Variants in YWHAG observed in about 807,000 individuals in gnomAD.
YWHAG encodes tyrosine 3-monooxygenase/tryptophan 5-monooxygenase activation protein gamma, also known as 14-3-3 protein gamma.
A neutral mutation model predicts 23.3 loss-of-function variants in YWHAG; 1 was observed. The observed-to-expected ratio is 0.04, with a 90% confidence interval of 0.02 to 0.20. YWHAG has a LOEUF of 0.20. Ranked by LOEUF, YWHAG falls within the 10% of genes least tolerant of loss-of-function variation. YWHAG has a pLI of 1.00. For synonymous variants in YWHAG, 160 were observed against 144.0 expected, an observed-to-expected ratio of 1.11 and a Z score of -0.80; for missense variants, 151 against 338.6, an observed-to-expected ratio of 0.45 and a Z score of 4.35.
intron 1 of YWHAG, among the ~76,000 whole-genome samples, chr7:76,331,104 A>G (rs984212264): frequency 6.6e-6 from 1 of 152,220 alleles, no homozygotes; most frequent in Admixed American, 6.5e-5. Flanking sequence ...CTTGACAACC[A>G]TATGAAATAC....
At chr7:76,349,403 GTCA>G (rs1055151162) in intron 1 of YWHAG, among the ~76,000 whole-genome samples, 1 of 146,230 alleles carries the variant, frequency 6.8e-6, no homozygotes, top group African/African-American at 2.6e-5. Context: ...ACGCGTTTTG[GTCA>G]TCATTTATTA....
chr7:76,354,873 G>A (rs1803929432), intron 1 of YWHAG, among the ~76,000 whole-genome samples: 1 of 152,198 alleles, frequency 6.6e-6, no homozygotes, highest in Non-Finnish European at 1.5e-5. Flanking sequence ...TTATTTATTT[G>A]GGTGAACATT....
Position 76,326,906 on chromosome 7 carries a change from A to T in YWHAG, c.*2671T>A, listed in dbSNP as rs1336198004. The T allele has an allele frequency of 1.3e-5, 2 of 152,674 alleles. No individual in the cohort carries two copies. The highest frequency in any genetic ancestry group is 6.5e-5 in the Admixed American group (1 of 15,284). The allele number at this position is 152,674 out of a possible 1,614,324, so 9.5% of individuals were successfully genotyped here. ...CTAAAGATGGTCCGTGTGTGAAATA[A>T]TTCCTTAGAGAAACACGGAGCTGGA... On this transcript the variant is annotated 3_prime_UTR_variant, in exon 2 of 2. Coordinates refer to ENST00000307630, the MANE Select transcript of YWHAG (RefSeq NM_012479.4).
chr7:76,348,375 G>T (rs1803818998), intron 1 of YWHAG, among the ~76,000 whole-genome samples: 1 of 147,918 alleles, frequency 6.8e-6, no homozygotes, highest in Admixed American at 6.8e-5. Flanking sequence ...TCATGCCTCA[G>T]CCTCCAAGCA....
intron 1 of YWHAG, among the ~76,000 whole-genome samples, chr7:76,353,464 G>A (rs1253771503): frequency 6.6e-6 from 1 of 151,818 alleles, no homozygotes; most frequent in Non-Finnish European, 1.5e-5. Flanking sequence ...ACCTGCCTCA[G>A]CCTCCCAAAG....
chr7:76,347,311 T>C (rs1384557095), intron 1 of YWHAG, among the ~76,000 whole-genome samples: 14 of 152,176 alleles, frequency 9.2e-5, no homozygotes, highest in Non-Finnish European at 2.9e-5. Context: ...AATACTCAAA[T>C]GTCTGCCGGG....
At chr7:76,358,217 C>T (rs1803989979) in intron 1 of YWHAG, among the ~76,000 whole-genome samples, 1 of 152,004 alleles carries the variant, frequency 6.6e-6, no homozygotes, top group Non-Finnish European at 1.5e-5. Flanking sequence ...TGTGTCGGGA[C>T]AGACAGTGGG....
intron 1 of YWHAG, among the ~76,000 whole-genome samples, chr7:76,346,335 C>A (rs1163554551): frequency 1.3e-5 from 2 of 152,184 alleles, no homozygotes; most frequent in African/African-American, 2.4e-5. Context: ...TTCTGGGTGA[C>A]CTTTGTTCTG....
At chr7:76,356,491 T>C (rs1167704593) in intron 1 of YWHAG, among the ~76,000 whole-genome samples, 1 of 152,210 alleles carries the variant, frequency 6.6e-6, no homozygotes, top group Non-Finnish European at 1.5e-5. Flanking sequence ...CATTCCCTAC[T>C]AGTAACTGAA....
intron 1 of YWHAG, among the ~76,000 whole-genome samples, chr7:76,333,240 G>C (rs1388982079): frequency 1.3e-5 from 2 of 151,996 alleles, no homozygotes; most frequent in African/African-American, 4.8e-5. Context: ...AAAGTGTTAG[G>C]ATTACAGGTG....
Position 76,342,285 on chromosome 7 carries a change from C to T in YWHAG, c.88-12052G>A, listed in dbSNP as rs146398345. ...TATGAAGCATTCGATCCCACCAATACGGAGGAAAAAGTCAAAGAAGAAACA... is the reference window on the plus strand; with the variant it reads ...TATGAAGCATTCGATCCCACCAATATGGAGGAAAAAGTCAAAGAAGAAACA... On this transcript the variant is annotated intron_variant, in intron 1 of 1. Transcript: ENST00000307630. 4.6e-5 allele frequency among the ~76,000 whole-genome samples: 7 copies of T among 152,262 alleles called. No individual in the cohort carries two copies. The East Asian group carries it at 5.8e-4, about 13-fold the overall frequency.
At chr7:76,357,913 G>T (rs1238654235) in intron 1 of YWHAG, among the ~76,000 whole-genome samples, 1 of 152,126 alleles carries the variant, frequency 6.6e-6, no homozygotes, top group East Asian at 1.9e-4. Flanking sequence ...TATGTCACAC[G>T]AATCGAACCA....
rs1803471375 is a variant in YWHAG at position 76,327,767 on chromosome 7, C to A, written c.*1810G>T. ...AGCGGCAAAGCTTCTTCTACTAGTT[C>A]TTCTGGTAGGCTTCACTTAACTGGG... On this transcript the variant is annotated 3_prime_UTR_variant, in exon 2 of 2. Coordinates refer to ENST00000307630, the MANE Select transcript of YWHAG (RefSeq NM_012479.4). 6.9e-6 allele frequency: 1 copy of A among 144,702 alleles called. No homozygotes were observed. The highest frequency in any genetic ancestry group is 1.5e-5 in the Non-Finnish European group (1 of 67,318). 9.0% of individuals were successfully genotyped at this position (144,702 alleles called of 1,614,324 possible). A position where few individuals can be genotyped will look rare whatever the true frequency, so the allele number is the denominator to read the frequency against.
At chr7:76,333,736 G>A (rs779966388) in intron 1 of YWHAG, among the ~76,000 whole-genome samples, 5 of 152,228 alleles carry the variant, frequency 3.3e-5, no homozygotes, top group African/African-American at 9.7e-5. Context: ...CTGAGTGTGC[G>A]AATGCTGAAG....
intron 1 of YWHAG, among the ~76,000 whole-genome samples, chr7:76,337,535 AT>A (rs1299444317): frequency 0.02 from 2,749 of 138,966 alleles, 16 homozygotes; most frequent in Non-Finnish European, 0.024. Flanking sequence ...CCCTTTGCTA[AT>A]TTTTTTTTTT....
rs1803512351 is a variant in YWHAG at position 76,329,615 on chromosome 7, C to T, written c.706G>A (p.Asp236Asn). 1 of 1,612,428 alleles carries T rather than the reference C, an allele frequency of 6.2e-7. No individual in the cohort carries two copies. The highest frequency in any genetic ancestry group is 1.3e-5 in the African/African-American group (1 of 74,896). Residue 236 changes from aspartate (D) to asparagine (N), a missense_variant, in exon 2 of 2, where the codon GAC becomes AAC. Physicochemically the swap from Asp to Asn is conservative, Grantham distance 23. Coordinates refer to ENST00000307630, the MANE Select transcript of YWHAG (RefSeq NM_012479.4). This position sits in a 1 kb window ranked among gnomAD's most constrained non-coding sequence, Gnocchi z 6.1. Reference protein sequence around the residue: ...LRDNLTLWTSDQQDDDGGEGN... With the variant: ...LRDNLTLWTSNQQDDDGGEGN... ...TCGCCGCCATCGTCGTCCTGCTGGTCGCTCGTCCAGAGCGTGAGGTTGTCG... is the reference window on the plus strand; with the variant it reads ...TCGCCGCCATCGTCGTCCTGCTGGTTGCTCGTCCAGAGCGTGAGGTTGTCG...
chr7:76,340,401 C>T (rs1055742426), intron 1 of YWHAG, among the ~76,000 whole-genome samples: 4 of 152,136 alleles, frequency 2.6e-5, no homozygotes, highest in Admixed American at 6.6e-5. Flanking sequence ...TTCAATGGAA[C>T]TATTTCCAGT....
chr7:76,353,009 A>C (rs993162643), intron 1 of YWHAG, among the ~76,000 whole-genome samples: 9 of 152,184 alleles, frequency 5.9e-5, no homozygotes, highest in African/African-American at 2.2e-4. Flanking sequence ...CAGGTAAAGA[A>C]AAGTCTATTT....
chr7:76,349,746 A>G (rs1424879509), intron 1 of YWHAG, among the ~76,000 whole-genome samples: 1 of 152,200 alleles, frequency 6.6e-6, no homozygotes, highest in African/African-American at 2.4e-5. Flanking sequence ...CAAACGATGA[A>G]AAACAAAAAC....
Sources: gnomAD v4.1 joint callset for allele counts (sites outside exome capture counted in the v4.1 genomes callset) on GRCh38, gnomAD v4.1.1 for gene constraint, Gnocchi (gnomAD v3.1) non-coding constraint, MANE v1.5 for transcripts, NCBI Gene and HGNC (gene_info 2026-07-23, HGNC 2026-07-21) for gene names.